UGT1A8: variants seen among roughly 807,000 people sequenced by gnomAD.
UGT1A8 encodes UDP-glucuronosyltransferase 1A8.
In UGT1A8, 39 loss-of-function variants were observed where a neutral mutation model predicts 45.3. That is an observed-to-expected ratio of 0.86 (90% CI 0.67 to 1.12). UGT1A8 has a LOEUF of 1.12. Among genes scored for constraint, UGT1A8 ranks in the 50% most tolerant of loss-of-function variants. The pLI is 0.00. For synonymous variants in UGT1A8, 275 were observed against 249.2 expected (o/e 1.10, Z -0.97); for missense variants, 719 against 664.9 (o/e 1.08, Z -0.90).
intron 1 of UGT1A8, among the ~76,000 whole-genome samples, chr2:233,660,594 G>A (rs929603279): frequency 7.3e-5 from 11 of 151,428 alleles, no homozygotes; most frequent in Non-Finnish European, 1.5e-4. Flanking sequence ...TTCCCTTAAA[G>A]GCTCAAGGAT....
At chr2:233,652,141 C>T (rs1416582881) in intron 1 of UGT1A8, among the ~76,000 whole-genome samples, 1 of 152,182 alleles carries the variant, frequency 6.6e-6, no homozygotes, top group African/African-American at 2.4e-5. Flanking sequence ...TGGGAGGTGA[C>T]TGCACAGCAA....
chr2:233,649,135 C>T, intron 1 of UGT1A8: 1 of 654,720 alleles, frequency 1.5e-6, no homozygotes, highest in Non-Finnish European at 2.2e-6. Flanking sequence ...TCTAAAATTT[C>T]TTTTCTGTGT....
chr2:233,760,221 A>C, intron 1 of UGT1A8: 4 of 1,592,732 alleles, frequency 2.5e-6, no homozygotes, highest in Non-Finnish European at 3.4e-6. Flanking sequence ...TGGTGTATCG[A>C]TTGGTTTTTG....
intron 1 of UGT1A8, chr2:233,754,798 C>T (rs781516183): frequency 6.4e-6 from 8 of 1,247,628 alleles, no homozygotes; most frequent in African/African-American, 6.1e-5. Context: ...AATCCTGTAT[C>T]AAAAGAAGAA....
At chr2:233,716,682 A>G (rs1247523316) in intron 1 of UGT1A8, among the ~76,000 whole-genome samples, 2 of 152,204 alleles carry the variant, frequency 1.3e-5, no homozygotes, top group Non-Finnish European at 2.9e-5. Context: ...CCCAAGATAT[A>G]GTTTCTACAT....
chr2:233,743,747 G>A (rs370175895), intron 1 of UGT1A8: 9 of 1,367,226 alleles, frequency 6.6e-6, no homozygotes, highest in African/African-American at 1.5e-5. Flanking sequence ...CTTGGCGTCC[G>A]ACAACACCTC....
intron 1 of UGT1A8, among the ~76,000 whole-genome samples, chr2:233,733,728 TG>T (rs1325830019): frequency 1.3e-5 from 2 of 152,260 alleles, no homozygotes; most frequent in Admixed American, 6.5e-5. Flanking sequence ...TGAGGATTTT[TG>T]CATCGATGTT....
intron 1 of UGT1A8, among the ~76,000 whole-genome samples, chr2:233,642,107 C>T (rs2073468525): frequency 6.6e-6 from 1 of 152,152 alleles, no homozygotes; most frequent in South Asian, 2.1e-4. Context: ...ACTCCTATCT[C>T]TTTCTCTACC....
At chr2:233,718,875 C>T in intron 1 of UGT1A8, 1 of 1,613,984 alleles carries the variant, frequency 6.2e-7, no homozygotes, top group Middle Eastern at 1.7e-4. Context: ...ACTGCTGCTC[C>T]TCCTCAGTGT....
intron 1 of UGT1A8, among the ~76,000 whole-genome samples, chr2:233,701,918 C>T (rs936190696): frequency 6.6e-6 from 1 of 152,056 alleles, no homozygotes; most frequent in Non-Finnish European, 1.5e-5. Context: ...GACACCCTAA[C>T]ATCACAATTA....
intron 1 of UGT1A8, chr2:233,754,831 A>G (rs1459496565): frequency 1.5e-6 from 2 of 1,342,814 alleles, no homozygotes; most frequent in Non-Finnish European, 2.0e-6. Flanking sequence ...AAAGCTGGAA[A>G]TTCACTGAAG....
chr2:233,646,950 TAA>T (rs1364564512), intron 1 of UGT1A8, among the ~76,000 whole-genome samples: 5 of 152,156 alleles, frequency 3.3e-5, no homozygotes, highest in Admixed American at 6.5e-5. Flanking sequence ...TGCCTGAGAC[TAA>T]GGAATTTACA....
chr2:233,732,212 T>G (rs2078250632), intron 1 of UGT1A8, among the ~76,000 whole-genome samples: 1 of 152,238 alleles, frequency 6.6e-6, no homozygotes. Flanking sequence ...ATGGGTAGAT[T>G]GCAAAAATTT....
intron 1 of UGT1A8, among the ~76,000 whole-genome samples, chr2:233,715,929 T>C (rs1446549427): frequency 1.3e-5 from 2 of 152,168 alleles, no homozygotes; most frequent in Non-Finnish European, 2.9e-5. Context: ...CTCAGGAGTT[T>C]CAGCTCTTGT....
At chr2:233,644,954 G>C (rs1319536343) in intron 1 of UGT1A8, among the ~76,000 whole-genome samples, 1 of 152,110 alleles carries the variant, frequency 6.6e-6, no homozygotes, top group East Asian at 1.9e-4. Context: ...AGAAAACTGT[G>C]TGTAATGAGT....
At chr2:233,688,704 G>A (rs2074910823) in intron 1 of UGT1A8, among the ~76,000 whole-genome samples, 1 of 152,088 alleles carries the variant, frequency 6.6e-6, no homozygotes, top group Non-Finnish European at 1.5e-5. Flanking sequence ...GTCCTTCATT[G>A]AACAAATATC....
chr2:233,724,324 G>A (rs1335235412), intron 1 of UGT1A8, among the ~76,000 whole-genome samples: 16 of 147,022 alleles, frequency 1.1e-4, no homozygotes, highest in African/African-American at 1.5e-4. Flanking sequence ...GGGGCGGCTG[G>A]CCAGGCGGGG....
At chr2:233,743,509 G>C (rs199947040) in intron 1 of UGT1A8, 86 of 1,367,152 alleles carry the variant, frequency 6.3e-5, no homozygotes, top group East Asian at 2.3e-4. Context: ...GGGTGCAGAC[G>C]CTCTGCTTCT....
At chr2:233,661,298 C>A (rs1248308824) in intron 1 of UGT1A8, among the ~76,000 whole-genome samples, 1 of 152,030 alleles carries the variant, frequency 6.6e-6, no homozygotes, top group Non-Finnish European at 1.5e-5. Flanking sequence ...GAACTTATTT[C>A]TCTGTGTGGG....
Sources: allele counts gnomAD v4.1 joint callset (sites outside exome capture counted in the v4.1 genomes callset), GRCh38; gene constraint gnomAD v4.1.1; transcripts MANE v1.5; gene names NCBI Gene and HGNC (gene_info 2026-07-23, HGNC 2026-07-21).